KIFC1: variants seen among roughly 807,000 people sequenced by gnomAD.
KIFC1 encodes the protein kinesin-like protein KIFC1.
Under a neutral mutation model 66.6 loss-of-function variants are expected in KIFC1, and 37 were observed. That is an observed-to-expected ratio of 0.56 (90% CI 0.43 to 0.73). The LOEUF is 0.73. KIFC1 is among the 30% of genes least tolerant of loss of function. KIFC1 has a pLI of 0.00. For synonymous variants in KIFC1, 325 were observed against 343.5 expected, an observed-to-expected ratio of 0.95 and a Z score of 0.60; for missense variants, 721 against 859.8, an observed-to-expected ratio of 0.84 and a Z score of 2.02.
intron 1 of KIFC1, among the ~76,000 whole-genome samples, chr6:33,393,314 C>T (rs2151079943): frequency 6.6e-6 from 1 of 152,068 alleles, no homozygotes; most frequent in South Asian, 2.1e-4. Context: ...ACAGTTTGTC[C>T]TTGTGGGGGT....
Position 33,391,849 on chromosome 6 carries a change from C to T in KIFC1, c.-137C>T. 1 of 1,010,550 alleles carries T rather than the reference C, an allele frequency of 9.9e-7. No homozygotes were observed. The highest frequency in any genetic ancestry group is 1.5e-6 in the Non-Finnish European group (1 of 669,538). 62.6% of individuals were successfully genotyped at this position (1,010,550 alleles called of 1,614,324 possible). The stretch of plus-strand genomic sequence containing the variant: ...GAATTCAAAAGTGGCGGGTGTGGCG[C>T]GGGGCTGGTAGCGGCCGGAGCCGTG... On this transcript the variant is annotated 5_prime_UTR_variant, in exon 1 of 11. Coordinates refer to ENST00000428849, the MANE Select transcript of KIFC1 (RefSeq NM_002263.4).
chr6:33,405,847 G>A lies in KIFC1; in HGVS notation c.1536+216G>A, dbSNP rs951830394. Among the ~76,000 whole-genome samples the A allele has an allele frequency of 1.3e-5, 2 of 152,094 alleles. No individual in the cohort carries two copies. Among genetic ancestry groups the A allele is most frequent in the African/African-American group, 4.8e-5 (2 of 41,400 alleles). On this transcript the variant is annotated intron_variant, in intron 7 of 10. Transcript: ENST00000428849. The surrounding 1 kb of genome is among the most constrained non-coding windows in gnomAD (Gnocchi z 5.4). The stretch of plus-strand genomic sequence containing the variant: ...GTGATGCATCTGCCAAAACGAGGAG[G>A]GTCACTACATCTCATGTCTCATCTT...
intron 1 of KIFC1, among the ~76,000 whole-genome samples, chr6:33,393,434 CTT>C (rs71536188): frequency 0.26 from 21,788 of 82,256 alleles, 1,824 homozygotes; most frequent in Admixed American, 0.32. Flanking sequence ...GCACCATTGC[CTT>C]TTTTTTTTTT....
In KIFC1 at chr6:33,398,020, T is replaced by A; in HGVS notation, c.13-9T>A. The A allele has an allele frequency of 6.2e-7, 1 of 1,613,900 alleles. No homozygotes were observed. The highest frequency in any genetic ancestry group is 8.5e-7 in the Non-Finnish European group (1 of 1,179,952). On this transcript the variant is annotated splice_polypyrimidine_tract_variant and intron_variant, in intron 1 of 10. Transcript: ENST00000428849. ...TGGGTATTGTCTTAAGGGTCTCTTT[T>A]CCCAACAGAGGTCCCCCCTATTGGA...
At position 33,405,080 on chromosome 6, in the gene KIFC1, C is replaced by T. The variant is rs759464097; in HGVS notation, c.985C>T (p.Pro329Ser). Residue 329 changes from proline to serine, a missense_variant, in exon 7 of 11, where the codon CCT becomes TCT. Transcript: ENST00000428849. This position sits in a 1 kb window ranked among gnomAD's most constrained non-coding sequence, Gnocchi z 5.4. The stretch of plus-strand genomic sequence containing the variant: ...CCTGCCGGGGGAGCCCACTCCACCC[C>T]CTGGCCTCCTCCTGTTTCCCTCTGG... ...PVLPGEPTPP[P>S]GLLLFPSGPG... 1 of 1,614,140 alleles carries T rather than the reference C, an allele frequency of 6.2e-7. No homozygotes were observed. The highest frequency in any genetic ancestry group is 8.5e-7 in the Non-Finnish European group (1 of 1,179,994).
rs1400015851 is a variant in KIFC1 at position 33,404,441 on chromosome 6, CTCTT to C, written c.756+315_756+318del. On this transcript the variant is annotated intron_variant, in intron 6 of 10. Transcript: ENST00000428849. The surrounding 1 kb of genome is among the most constrained non-coding windows in gnomAD (Gnocchi z 4.0). ...CCTGATCACAAATTCCTGTGGTACT[CTCTT>C]TCCCTCCTCCCATGTCCACTTGACT... Among the ~76,000 whole-genome samples the C allele has an allele frequency of 6.6e-6, 1 of 152,166 alleles. No homozygotes were observed. The highest frequency in any genetic ancestry group is 1.5e-5 in the Non-Finnish European group (1 of 68,038).
chr6:33,396,382 G>T (rs1775037412), intron 1 of KIFC1, among the ~76,000 whole-genome samples: 1 of 149,302 alleles, frequency 6.7e-6, no homozygotes, highest in African/African-American at 2.5e-5. Flanking sequence ...AACTCTTCAG[G>T]TACTCAGATC....
intron 1 of KIFC1, among the ~76,000 whole-genome samples, chr6:33,395,154 G>C (rs1284042362): frequency 1.3e-5 from 2 of 152,184 alleles, no homozygotes; most frequent in African/African-American, 4.8e-5. Flanking sequence ...GATTGCAATG[G>C]GCTTAGGAGA....
In KIFC1 at chr6:33,409,705, CTGTGTGTGTGTGTG is replaced by C. The variant is rs3066474; in HGVS notation, c.*51_*64del. On this transcript the variant is annotated 3_prime_UTR_variant, in exon 11 of 11. Coordinates refer to ENST00000428849, the MANE Select transcript of KIFC1 (RefSeq NM_002263.4). ...ACAGGAAGTGAAGACGGATCCAGAT[CTGTGTGTGTGTGTG>C]TGTGTGTGTGTGTGTGTGTGTGTGT... 7.8e-3 allele frequency: 9,797 copies of C among 1,262,186 alleles called. 29 individuals carry two copies. Among genetic ancestry groups the C allele is most frequent in the Middle Eastern group, 0.014 (54 of 3,818 alleles). 78.2% of individuals were successfully genotyped at this position (1,262,186 alleles called of 1,614,324 possible).
rs1775619646 is a variant in KIFC1, at chr6:33,405,831, C to G, written c.1536+200C>G. On this transcript the variant is annotated intron_variant, in intron 7 of 10. Transcript: ENST00000428849. This position sits in a 1 kb window ranked among gnomAD's most constrained non-coding sequence, Gnocchi z 5.4. ...TGGGAGTGGCGAGGGAGTGATGCAT[C>G]TGCCAAAACGAGGAGGGTCACTACA... Among the ~76,000 whole-genome samples, 1 of 152,160 alleles carries G rather than the reference C, an allele frequency of 6.6e-6. No individual in the cohort carries two copies. Among genetic ancestry groups the G allele is most frequent in the African/African-American group, 2.4e-5 (1 of 41,418 alleles).
At position 33,403,229 on chromosome 6, in the gene KIFC1, A is replaced by C. The variant is rs1286198975; in HGVS notation, c.251-85A>C. 2 of 1,241,112 alleles carry C rather than the reference A, an allele frequency of 1.6e-6. No individual in the cohort carries two copies. The highest frequency in any genetic ancestry group is 2.4e-6 in the Non-Finnish European group (2 of 845,616). 76.9% of individuals were successfully genotyped at this position (1,241,112 alleles called of 1,614,324 possible). ...TCCTATTTCTAATTCTGAGAAAAGCACTTCTTCTGCCCCTGTCCTAGCAAG... is the reference window on the plus strand; with the variant it reads ...TCCTATTTCTAATTCTGAGAAAAGCCCTTCTTCTGCCCCTGTCCTAGCAAG... On this transcript the variant is annotated intron_variant, in intron 3 of 10. Transcript: ENST00000428849. This position sits in a 1 kb window ranked among gnomAD's most constrained non-coding sequence, Gnocchi z 4.6.
chr6:33,392,066 G>T, intron 1 of KIFC1, 69 bp downstream of exon 1: 2 of 1,550,446 alleles, frequency 1.3e-6, no homozygotes, highest in East Asian at 2.3e-5. Flanking sequence ...CGATGCTGTC[G>T]CGCCCCCGGC....
chr6:33,407,602 A>G (rs942355503), intron 10 of KIFC1, among the ~76,000 whole-genome samples: 3 of 152,224 alleles, frequency 2.0e-5, no homozygotes, highest in Non-Finnish European at 2.9e-5. Context: ...TTGTACATAC[A>G]TCATTTTGTA....
At chr6:33,402,218 T>C (rs1411801449) in intron 3 of KIFC1, among the ~76,000 whole-genome samples, 1 of 152,174 alleles carries the variant, frequency 6.6e-6, no homozygotes, top group Non-Finnish European at 1.5e-5. Flanking sequence ...TTCGTTTATA[T>C]CAGAATCACC....
Position 33,400,559 on chromosome 6 carries a change from T to TG in KIFC1, c.250+2174dup, listed in dbSNP as rs1352257787. 2 of 1,361,518 alleles carry TG rather than the reference T, an allele frequency of 1.5e-6. No individual in the cohort carries two copies. The highest frequency in any genetic ancestry group is 1.4e-5 in the African/African-American group (1 of 69,846). 84.3% of individuals were successfully genotyped at this position (1,361,518 alleles called of 1,614,324 possible). ...TTGGGGTCGAACTTCGGTGGCATGG[T>TG]GGAGGCAGCTGGTGTCGGATGAACC... is the stretch of plus-strand genomic sequence containing the variant. On this transcript the variant is annotated intron_variant, in intron 3 of 10. Transcript: ENST00000428849. This position sits in a 1 kb window ranked among gnomAD's most constrained non-coding sequence, Gnocchi z 4.3.
At position 33,400,654 on chromosome 6, in the gene KIFC1, C is replaced by T; in HGVS notation, c.250+2267C>T. The T allele has an allele frequency of 3.6e-6, 2 of 560,296 alleles. No homozygotes were observed. Among genetic ancestry groups the T allele is most frequent in the Non-Finnish European group, 6.2e-6 (2 of 322,620 alleles). The allele number at this position is 560,296 out of a possible 1,614,324, so 34.7% of individuals were successfully genotyped here. On this transcript the variant is annotated intron_variant, in intron 3 of 10. Coordinates refer to ENST00000428849, the MANE Select transcript of KIFC1 (RefSeq NM_002263.4). This position sits in a 1 kb window ranked among gnomAD's most constrained non-coding sequence, Gnocchi z 4.3. ...AGCCGAAAGCCGAGAGCTTCTCTCT[C>T]TTTTTTTTTTGAGATGGAGTCTCGC...
chr6:33,406,447 G>C lies in KIFC1; in HGVS notation c.1788G>C (p.Leu596=). The C allele has an allele frequency of 1.3e-6, 2 of 1,599,634 alleles. No individual in the cohort carries two copies. Among genetic ancestry groups the C allele is most frequent in the Non-Finnish European group, 8.5e-7 (1 of 1,170,532 alleles). The change falls in exon 8 of 11, where the codon CTG becomes CTC. Residue 596 remains leucine, a synonymous_variant. Coordinates refer to ENST00000428849, the MANE Select transcript of KIFC1 (RefSeq NM_002263.4). The surrounding 1 kb of genome is among the most constrained non-coding windows in gnomAD (Gnocchi z 4.5). ...AAACACAGGCCATTAACAGCAGCCT[G>C]TCCACGCTGGGGCTGGTTATCATGG... ...LRETQAINSS[L]STLGLVIMAL...
chr6:33,409,653 AGT>A lies in KIFC1; in HGVS notation c.1990_1991del (p.Val664TyrfsTer62). 1 of 1,610,220 alleles carries A rather than the reference AGT, an allele frequency of 6.2e-7. No homozygotes were observed. The highest frequency in any genetic ancestry group is 8.5e-7 in the Non-Finnish European group (1 of 1,178,844). ...CTAACCCCCTGCCCCCAGGTGAACC[AGT>A]GTGTTATTGGTACTGCTCAGGCCAA... On this transcript the variant is annotated frameshift_variant, in exon 11 of 11. Transcript: ENST00000428849. LOFTEE classifies it high-confidence loss of function.
At position 33,400,164 on chromosome 6, in the gene KIFC1, C is replaced by G; in HGVS notation, c.250+1777C>G. 2 of 1,393,650 alleles carry G rather than the reference C, an allele frequency of 1.4e-6. No individual in the cohort carries two copies. The highest frequency in any genetic ancestry group is 2.0e-6 in the Non-Finnish European group (2 of 994,804). 86.3% of individuals were successfully genotyped at this position (1,393,650 alleles called of 1,614,324 possible). On this transcript the variant is annotated intron_variant, in intron 3 of 10. Coordinates refer to ENST00000428849, the MANE Select transcript of KIFC1 (RefSeq NM_002263.4). The surrounding 1 kb of genome is among the most constrained non-coding windows in gnomAD (Gnocchi z 4.3). ...CCATAGACTGGGCAGTCCCCGGAAT[C>G]TCTTTAATGGTTCCAGAGAGTTCTC...
Sources: allele counts gnomAD v4.1 joint callset (sites outside exome capture counted in the v4.1 genomes callset), GRCh38; gene constraint gnomAD v4.1.1; non-coding constraint Gnocchi (gnomAD v3.1); transcripts MANE v1.5; gene names NCBI Gene and HGNC (gene_info 2026-07-23, HGNC 2026-07-21).